The following MAPT variants were observed in gnomAD, a reference collection of about 807,000 sequenced individuals.
MAPT encodes microtubule associated protein tau, also known as microtubule-associated protein tau.
In MAPT, 34 loss-of-function variants were observed where a neutral mutation model predicts 67.9. The ratio of observed to expected loss-of-function variants is 0.50; its 90% CI spans 0.38 to 0.67. The LOEUF is 0.67. MAPT is among the 30% of genes least tolerant of loss of function. The pLI is 0.00. For missense variants in MAPT, 881 were observed against 1,115.2 expected, an observed-to-expected ratio of 0.79 and a Z score of 2.99; for synonymous variants, 456 against 464.5, an observed-to-expected ratio of 0.98 and a Z score of 0.23.
intron 9 of MAPT, among the ~76,000 whole-genome samples, chr17:46,008,129 T>C (rs1295353227): frequency 1.3e-5 from 2 of 152,228 alleles, no homozygotes; most frequent in Non-Finnish European, 2.9e-5. Flanking sequence ...CGAAGTCTCA[T>C]TCTGTCACCC....
In MAPT at chr17:45,941,110, G is replaced by A. The variant is rs2067810270; in HGVS notation, c.-17-21211G>A. ...CAGGAGACCGGAGAGGCTGAGGCCT[G>A]ACCAAACCAGCTTCTGCAGGCCAGC... On this transcript the variant is annotated intron_variant, in intron 1 of 12. Transcript: ENST00000262410. 5.3e-5 allele frequency among the ~76,000 whole-genome samples: 8 copies of A among 152,188 alleles called. No homozygotes were observed. The South Asian group carries it at 1.0e-3, about 20-fold the overall frequency.
At chr17:45,926,673 A>T (rs939035326) in intron 1 of MAPT, among the ~76,000 whole-genome samples, 2 of 152,104 alleles carry the variant, frequency 1.3e-5, no homozygotes, top group African/African-American at 4.8e-5. Flanking sequence ...TCACATATGG[A>T]CTTATAATAG....
At position 45,983,476 on chromosome 17, in the gene MAPT, CG is replaced by C. The variant is rs762773721; in HGVS notation, c.898del (p.Asp300MetfsTer65). 5 of 1,609,368 alleles carry C rather than the reference CG, an allele frequency of 3.1e-6. No individual in the cohort carries two copies. The highest frequency in any genetic ancestry group is 2.2e-5 in the South Asian group (2 of 90,870). ...AGGAGGTGGATGAAGACCGCGACGT[CG>C]ATGAGTCCTCCCCCCAAGACTCCCC... ...KEEVDEDRDV[D>X]ESSPQDSPPS... On this transcript the variant is annotated frameshift_variant, in exon 5 of 13. Transcript: ENST00000262410. LOFTEE classifies it high-confidence loss of function.
intron 1 of MAPT, among the ~76,000 whole-genome samples, chr17:45,900,939 C>T (rs950550252): frequency 2.1e-4 from 32 of 152,138 alleles, no homozygotes; most frequent in African/African-American, 5.8e-4. Context: ...GCATCATCGG[C>T]GGTGTCCTGT....
intron 1 of MAPT, among the ~76,000 whole-genome samples, chr17:45,930,859 G>T (rs1046391641): frequency 2.6e-5 from 4 of 152,162 alleles, no homozygotes; most frequent in Admixed American, 2.6e-4. Context: ...TGGCTGCGGG[G>T]ACTACACGCT....
At chr17:45,916,515 G>A (rs2065219930) in intron 1 of MAPT, among the ~76,000 whole-genome samples, 1 of 152,092 alleles carries the variant, frequency 6.6e-6, no homozygotes, top group African/African-American at 2.4e-5. Flanking sequence ...AACTCCCAGT[G>A]ATCCCCATCA....
chr17:45,959,737 C>T (rs1046648261), intron 1 of MAPT, among the ~76,000 whole-genome samples: 2 of 146,926 alleles, frequency 1.4e-5, no homozygotes, highest in Non-Finnish European at 3.1e-5. Flanking sequence ...GCCAAGATTG[C>T]ACCACTGCAC....
chr17:46,022,308 C>T (rs1015409065), intron 12 of MAPT, among the ~76,000 whole-genome samples: 1 of 143,340 alleles, frequency 7.0e-6, no homozygotes, highest in African/African-American at 2.6e-5. Context: ...GAGCTGAGAT[C>T]GTGCCACTGC....
chr17:45,919,386 G>A (rs1216630459), intron 1 of MAPT, among the ~76,000 whole-genome samples: 4 of 152,082 alleles, frequency 2.6e-5, no homozygotes, highest in Admixed American at 1.3e-4. Context: ...GCATCCTCAC[G>A]CTGCAGAGGT....
At chr17:45,955,572 T>C (rs1363504058) in intron 1 of MAPT, among the ~76,000 whole-genome samples, 1 of 152,144 alleles carries the variant, frequency 6.6e-6, no homozygotes, top group Non-Finnish European at 1.5e-5. Context: ...CGCCACAGAC[T>C]TGGTGATGTG....
rs1297416755 is a variant in MAPT, at chr17:46,024,440, C to T, written c.*269C>T. On this transcript the variant is annotated 3_prime_UTR_variant, in exon 13 of 13. Coordinates refer to ENST00000262410, the MANE Select transcript of MAPT (RefSeq NM_001377265.1). ...AAAAAAACATTCAAAAACATGGCCA[C>T]ATCCAACATTTCCTCAGGCAATTCC... The T allele has an allele frequency of 2.9e-5, 16 of 556,930 alleles. No individual in the cohort carries two copies. The highest frequency in any genetic ancestry group is 3.5e-5 in the Non-Finnish European group (11 of 310,356). The allele number at this position is 556,930 out of a possible 1,614,324, so 34.5% of individuals were successfully genotyped here. A position where few individuals can be genotyped will look rare whatever the true frequency, so the allele number is the denominator to read the frequency against.
At chr17:46,011,488 G>A (rs1236722348) in intron 10 of MAPT, among the ~76,000 whole-genome samples, 1 of 152,154 alleles carries the variant, frequency 6.6e-6, no homozygotes, top group African/African-American at 2.4e-5. Flanking sequence ...GAGTGTCTCC[G>A]TGAGATTCGG....
chr17:45,933,617 C>T (rs565531450), intron 1 of MAPT, among the ~76,000 whole-genome samples: 3 of 151,964 alleles, frequency 2.0e-5, no homozygotes, highest in Admixed American at 6.6e-5. Flanking sequence ...CCTGGCCCCC[C>T]GCATTGTGTT....
At chr17:45,943,275 G>A (rs773170671) in intron 1 of MAPT, among the ~76,000 whole-genome samples, 6 of 152,128 alleles carry the variant, frequency 3.9e-5, no homozygotes, top group Non-Finnish European at 8.8e-5. Flanking sequence ...AGCTGATCTC[G>A]AACTTTTGGC....
intron 10 of MAPT, among the ~76,000 whole-genome samples, chr17:46,011,968 C>T (rs59761045): frequency 0.043 from 6,497 of 152,286 alleles, 469 homozygotes; most frequent in African/African-American, 0.15. Context: ...CTGTCTCCCA[C>T]GCCCTGCTCT....
intron 1 of MAPT, among the ~76,000 whole-genome samples, chr17:45,950,657 T>C (rs1445736687): frequency 6.6e-6 from 1 of 152,038 alleles, no homozygotes; most frequent in Non-Finnish European, 1.5e-5. Flanking sequence ...ATTTTTAAAA[T>C]TTTATTTATT....
intron 6 of MAPT, among the ~76,000 whole-genome samples, chr17:45,987,834 G>A (rs1430228468): frequency 1.3e-5 from 2 of 152,220 alleles, no homozygotes; most frequent in Admixed American, 1.3e-4. Flanking sequence ...GATTTGGAGA[G>A]CTGGCCTGGG....
Position 46,010,361 on chromosome 17 carries a change from G to C in MAPT, c.2050G>C (p.Gly684Arg), listed in dbSNP as rs865832527. The C allele has an allele frequency of 1.3e-6, 2 of 1,583,644 alleles. No individual in the cohort carries two copies. Among genetic ancestry groups the C allele is most frequent in the Non-Finnish European group, 1.7e-6 (2 of 1,163,984 alleles). The change falls in exon 10 of 13, where the codon GGC (glycine) becomes CGC (arginine). Residue 684 changes from glycine to arginine, a missense_variant. Physicochemically the swap from Gly to Arg is moderately radical, Grantham distance 125 (BLOSUM62 -2). This residue lies in a region of MAPT where 34 missense variants were observed against 51.2 expected (regional missense o/e 0.66). Transcript: ENST00000262410. This position sits in a 1 kb window ranked among gnomAD's most constrained non-coding sequence, Gnocchi z 4.7. Reference sequence around the variant, plus strand: ...TCTTAGCAACGTCCAGTCCAAGTGTGGCTCAAAGGATAATATCAAACACGT... The same window carrying C: ...TCTTAGCAACGTCCAGTCCAAGTGTCGCTCAAAGGATAATATCAAACACGT... ...LDLSNVQSKC[G>R]SKDNIKHVPG... is the part of the protein sequence containing the mutation.
chr17:46,014,151 C>G lies in MAPT; in HGVS notation c.2092-92C>G. ...CAGCTGCTTCTCATTGAGTTACACCCTTAATAAAATAATCCCATTTTATCC... is the reference window on the plus strand; with the variant it reads ...CAGCTGCTTCTCATTGAGTTACACCGTTAATAAAATAATCCCATTTTATCC... On this transcript the variant is annotated intron_variant, in intron 10 of 12. Transcript: ENST00000262410. The G allele has an allele frequency of 3.9e-6, 3 of 776,336 alleles. 1 individual carries two copies. The South Asian group carries it at 4.4e-5, about 11-fold the overall frequency. 48.1% of individuals were successfully genotyped at this position (776,336 alleles called of 1,614,324 possible). A position where few individuals can be genotyped will look rare whatever the true frequency, so the allele number is the denominator to read the frequency against.
Sources: gnomAD v4.1 joint callset for allele counts (sites outside exome capture counted in the v4.1 genomes callset) on GRCh38, gnomAD v4.1.1 for gene constraint, gnomAD v4.1.1 regional missense constraint, Gnocchi (gnomAD v3.1) non-coding constraint, MANE v1.5 for transcripts, NCBI Gene and HGNC (gene_info 2026-07-23, HGNC 2026-07-21) for gene names.